The following SGCZ variants were observed in gnomAD, a reference collection of about 807,000 sequenced individuals.
The protein encoded by SGCZ is sarcoglycan zeta, also known as zeta-sarcoglycan.
A neutral mutation model predicts 41.3 loss-of-function variants in SGCZ; 40 were observed. The ratio of observed to expected loss-of-function variants is 0.97; its 90% confidence interval spans 0.75 to 1.26. The LOEUF (loss-of-function observed/expected upper bound fraction) is 1.26, where lower values mean the gene tolerates loss of function less well. Ranked by LOEUF, SGCZ falls within the 50% of genes most tolerant of loss-of-function variation. The pLI, the probability that SGCZ is intolerant of heterozygous loss-of-function variation, is 0.00. For missense variants in SGCZ, 552 were observed against 369.8 expected, an observed-to-expected ratio of 1.49 and a Z score of -4.04; for synonymous variants, 206 against 137.5, an observed-to-expected ratio of 1.50 and a Z score of -3.49.
intron 1 of SGCZ, among the ~76,000 whole-genome samples, chr8:14,648,526 A>C (rs1336509250): frequency 6.6e-6 from 1 of 152,120 alleles, no homozygotes; most frequent in African/African-American, 2.4e-5. Context: ...TATAAGATTA[A>C]AGGTTCCAAA....
intron 1 of SGCZ, among the ~76,000 whole-genome samples, chr8:14,980,246 G>A (rs959146029): frequency 3.3e-5 from 5 of 152,084 alleles, no homozygotes; most frequent in African/African-American, 7.2e-5. Context: ...TCCTAAGGAC[G>A]GAAATTGAGC....
At chr8:14,177,028 G>A (rs757837988) in intron 4 of SGCZ, among the ~76,000 whole-genome samples, 6 of 152,126 alleles carry the variant, frequency 3.9e-5, no homozygotes, top group African/African-American at 1.4e-4. Flanking sequence ...AAGGTTTTGT[G>A]TAACGGTTGG....
chr8:15,169,891 G>C (rs748777759), intron 1 of SGCZ, among the ~76,000 whole-genome samples: 1 of 152,110 alleles, frequency 6.6e-6, no homozygotes, highest in Admixed American at 6.5e-5. Flanking sequence ...ACCATACCTA[G>C]GATTTAAGTA....
rs186038962 is a variant in SGCZ, at chr8:14,966,386, G to A, written c.39+271199C>T. 6.1e-3 allele frequency among the ~76,000 whole-genome samples: 924 copies of A among 151,058 alleles called. 8 individuals carry two copies. Among genetic ancestry groups the A allele is most frequent in the African/African-American group, 0.022 (896 of 41,316 alleles). ...AACCAAGAAAAAATTTATTCATATT[G>A]TCCCATCAAATAACTACATGTTTAT... On this transcript the variant is annotated intron_variant, in intron 1 of 7. Coordinates refer to ENST00000382080, the MANE Select transcript of SGCZ (RefSeq NM_139167.4).
chr8:15,094,118 T>G (rs1342317224), intron 1 of SGCZ, among the ~76,000 whole-genome samples: 1 of 152,076 alleles, frequency 6.6e-6, no homozygotes, highest in Non-Finnish European at 1.5e-5. Flanking sequence ...GCAGTTGTTT[T>G]ATTTATTTAT....
At chr8:15,181,437 A>G (rs2117087965) in intron 1 of SGCZ, among the ~76,000 whole-genome samples, 1 of 152,304 alleles carries the variant, frequency 6.6e-6, no homozygotes, top group South Asian at 2.1e-4. Flanking sequence ...TGTTCCCATG[A>G]AATTGAGAAG....
intron 1 of SGCZ, among the ~76,000 whole-genome samples, chr8:14,917,152 G>A (rs775313699): frequency 5.3e-5 from 8 of 152,008 alleles, no homozygotes; most frequent in Non-Finnish European, 8.8e-5. Context: ...AAATTCCCCA[G>A]GGCCTGAATT....
At chr8:14,854,026 T>TAC (rs1382042679) in intron 1 of SGCZ, among the ~76,000 whole-genome samples, 3 of 72,556 alleles carry the variant, frequency 4.1e-5, no homozygotes, top group Non-Finnish European at 7.0e-5. Flanking sequence ...TTATATTATA[T>TAC]ATATATATAT....
chr8:14,841,067 G>C (rs528673506), intron 1 of SGCZ, among the ~76,000 whole-genome samples: 4 of 151,524 alleles, frequency 2.6e-5, no homozygotes, highest in Admixed American at 1.3e-4. Context: ...ATAAAATGGA[G>C]AACCAAATCC....
At chr8:14,934,282 A>T (rs1800015134) in intron 1 of SGCZ, among the ~76,000 whole-genome samples, 2 of 151,974 alleles carry the variant, frequency 1.3e-5, no homozygotes. Context: ...CAGAAATGTT[A>T]AGTACTGGGA....
Position 14,840,708 on chromosome 8 carries a change from C to A in SGCZ, c.40-285782G>T, listed in dbSNP as rs372609536. 2.0e-3 allele frequency among the ~76,000 whole-genome samples: 297 copies of A among 152,056 alleles called. 4 individuals carry two copies. The highest frequency in any genetic ancestry group is 0.019 in the South Asian group (92 of 4,820). ...CTAAATAATTTTATCTTGTCAGGAG[C>A]TATATTTTATAAGCCATTTAATCTT... On this transcript the variant is annotated intron_variant, in intron 1 of 7. Coordinates refer to ENST00000382080, the MANE Select transcript of SGCZ (RefSeq NM_139167.4).
At position 15,194,086 on chromosome 8, in the gene SGCZ, G is replaced by C. The variant is rs73667903; in HGVS notation, c.39+43499C>G. Among the ~76,000 whole-genome samples, 643 of 152,042 alleles carry C rather than the reference G, an allele frequency of 4.2e-3. 2 individuals are homozygous for C. The highest frequency in any genetic ancestry group is 0.015 in the African/African-American group (621 of 41,470). ...TTAATAGAGTTTAAGACAAAACATAGAGTTATTTATCTTTAAATAAATATA... is the reference window on the plus strand; with the variant it reads ...TTAATAGAGTTTAAGACAAAACATACAGTTATTTATCTTTAAATAAATATA... On this transcript the variant is annotated intron_variant, in intron 1 of 7. Transcript: ENST00000382080.
intron 5 of SGCZ, among the ~76,000 whole-genome samples, chr8:14,112,041 T>C (rs1232583145): frequency 6.6e-6 from 1 of 152,116 alleles, no homozygotes; most frequent in Non-Finnish European, 1.5e-5. Flanking sequence ...CATGTATTTT[T>C]TACAGAAGTC....
chr8:14,913,055 A>C (rs1167391066), intron 1 of SGCZ, among the ~76,000 whole-genome samples: 1 of 152,090 alleles, frequency 6.6e-6, no homozygotes, highest in Non-Finnish European at 1.5e-5. Context: ...TCATAAATAT[A>C]TATGCCCAAT....
chr8:14,499,394 C>T (rs1224578595), intron 2 of SGCZ, among the ~76,000 whole-genome samples: 2 of 151,654 alleles, frequency 1.3e-5, no homozygotes, highest in Non-Finnish European at 2.9e-5. Context: ...TCATATATAC[C>T]TGTATTTCTT....
In SGCZ at chr8:15,237,669, C is replaced by G. The variant is rs1802184464; in HGVS notation, c.-46G>C. ...GGAGAGGAACCGGGCGAGTGGCACC[C>G]AAAAACAATCTAGTCTTTTAGTTTC... is the stretch of plus-strand genomic sequence containing the variant. On this transcript the variant is annotated 5_prime_UTR_variant, in exon 1 of 8. Transcript: ENST00000382080. 6.4e-7 allele frequency: 1 copy of G among 1,556,266 alleles called. No individual in the cohort carries two copies. Among genetic ancestry groups the G allele is most frequent in the South Asian group, 1.2e-5 (1 of 84,622 alleles).
At chr8:14,887,684 T>C (rs1340108083) in intron 1 of SGCZ, among the ~76,000 whole-genome samples, 7 of 152,264 alleles carry the variant, frequency 4.6e-5, no homozygotes, top group Middle Eastern at 3.4e-3. Flanking sequence ...ATAATGAACA[T>C]AGCAGCTGTA....
intron 5 of SGCZ, among the ~76,000 whole-genome samples, chr8:14,123,405 G>A (rs1056589648): frequency 2.6e-5 from 4 of 152,100 alleles, no homozygotes; most frequent in Admixed American, 6.6e-5. Context: ...AACAATTTGT[G>A]GGTAAATGGG....
At chr8:14,190,367 ATG>A (rs377765050) in intron 4 of SGCZ, among the ~76,000 whole-genome samples, 49 of 150,508 alleles carry the variant, frequency 3.3e-4, no homozygotes, top group East Asian at 5.9e-4. Flanking sequence ...GTATGTATGT[ATG>A]TGTGTGTGTG....
Sources: allele counts gnomAD v4.1 joint callset (sites outside exome capture counted in the v4.1 genomes callset), GRCh38; gene constraint gnomAD v4.1.1; transcripts MANE v1.5; gene names NCBI Gene and HGNC (gene_info 2026-07-23, HGNC 2026-07-21).